Variants in KDM6A observed in about 807,000 individuals in gnomAD.
KDM6A encodes the protein lysine demethylase 6A, also known as lysine-specific demethylase 6A.
Under a neutral mutation model 117.6 loss-of-function variants are expected in KDM6A, and 11 were observed. The ratio of observed to expected loss-of-function variants is 0.09; its 90% confidence interval spans 0.06 to 0.15. The LOEUF is 0.15. Among genes scored for constraint, KDM6A ranks in the 10% least tolerant of loss-of-function variants. KDM6A has a pLI of 1.00. For synonymous variants in KDM6A, 384 were observed against 396.1 expected (o/e 0.97, Z 0.36); for missense variants, 799 against 1,077.3 (o/e 0.74, Z 3.62).
chrX:45,040,334 A>G (rs1450063407), intron 8 of KDM6A, among the ~76,000 whole-genome samples: 1 of 80,934 alleles, frequency 1.2e-5, no homozygotes, highest in African/African-American at 4.7e-5. Flanking sequence ...CTCACTTCCC[A>G]GTAGGGGCGG....
chrX:44,961,453 T>A, intron 3 of KDM6A, 61 bp downstream of exon 3: 1 of 792,344 alleles, frequency 1.3e-6, no homozygotes, highest in Non-Finnish European at 1.9e-6. Context: ...TAATTATTTG[T>A]GCTTTATCAA....
At chrX:44,934,386 T>G (rs2036844951) in intron 2 of KDM6A, among the ~76,000 whole-genome samples, 1 of 111,937 alleles carries the variant, frequency 8.9e-6, no homozygotes. Flanking sequence ...GAAATTACTG[T>G]TCTTTGTCTT....
intron 27 of KDM6A, among the ~76,000 whole-genome samples, chrX:45,094,763 C>G (rs960119839): frequency 5.4e-5 from 6 of 111,662 alleles, no homozygotes; most frequent in Non-Finnish European, 9.4e-5. Flanking sequence ...TTTGCCCTCC[C>G]TCCTGATTAC....
At chrX:45,081,739 A>T (rs1055082649) in intron 21 of KDM6A, among the ~76,000 whole-genome samples, 1 of 111,421 alleles carries the variant, frequency 9.0e-6, no homozygotes, top group Non-Finnish European at 1.9e-5. Flanking sequence ...GTTGGATACC[A>T]TGCCGGTGAG....
At chrX:44,923,538 CTTTTTTTTTTTTT>C (rs142581355) in intron 2 of KDM6A, among the ~76,000 whole-genome samples, 3 of 32,198 alleles carry the variant, frequency 9.3e-5, no homozygotes, top group African/African-American at 3.8e-4. Flanking sequence ...ATCTTCTCTG[CTTTTTTTTTTTTT>C]TTTTTTTTTT....
At chrX:44,931,158 G>A (rs781425604) in intron 2 of KDM6A, among the ~76,000 whole-genome samples, 6 of 110,787 alleles carry the variant, frequency 5.4e-5, no homozygotes, top group South Asian at 3.8e-4. Flanking sequence ...TCCGCCTCCC[G>A]GGTTGAAGAG....
intron 2 of KDM6A, among the ~76,000 whole-genome samples, chrX:44,936,642 T>C (rs1184490974): frequency 2.7e-5 from 3 of 112,227 alleles, no homozygotes; most frequent in Non-Finnish European, 5.6e-5. Context: ...GTTTCGGATT[T>C]TGGAGTATTT....
chrX:45,091,548 A>G (rs1006675791), intron 27 of KDM6A, among the ~76,000 whole-genome samples: 5 of 111,972 alleles, frequency 4.5e-5, no homozygotes, highest in African/African-American at 1.6e-4. Flanking sequence ...AATATGGGAA[A>G]TGATAGATTA....
intron 4 of KDM6A, among the ~76,000 whole-genome samples, chrX:44,988,761 C>T (rs1024836886): frequency 1.8e-5 from 2 of 110,785 alleles, no homozygotes; most frequent in African/African-American, 3.3e-5. Context: ...CCTGATCGTT[C>T]CTCTGGAAGT....
At position 45,085,007 on chromosome X, in the gene KDM6A, A is replaced by G. The variant is rs769072751; in HGVS notation, c.3590-858A>G. 1.9e-4 allele frequency among the ~76,000 whole-genome samples: 21 copies of G among 111,895 alleles called. No homozygotes were observed. The South Asian group carries it at 7.9e-3, about 42-fold the overall frequency. On this transcript the variant is annotated intron_variant, in intron 24 of 29. Coordinates refer to ENST00000611820, the MANE Select transcript of KDM6A (RefSeq NM_001291415.2). ...AGGATTCTAATATACAGCCAGGATT[A>G]GAACTATTGGTTATAATTGTTATCC...
At chrX:45,032,516 T>C (rs1022890218) in intron 6 of KDM6A, among the ~76,000 whole-genome samples, 3 of 112,042 alleles carry the variant, frequency 2.7e-5, no homozygotes, top group Non-Finnish European at 3.8e-5. Flanking sequence ...TTCATTGTCA[T>C]AGTGGATGTT....
intron 10 of KDM6A, among the ~76,000 whole-genome samples, chrX:45,056,735 G>A (rs1169529716): frequency 2.7e-5 from 3 of 111,666 alleles, no homozygotes; most frequent in Non-Finnish European, 5.7e-5. Flanking sequence ...GTTGATGGTT[G>A]GAGTGGGACA....
At chrX:44,981,930 A>C (rs1484488379) in intron 4 of KDM6A, among the ~76,000 whole-genome samples, 1 of 111,789 alleles carries the variant, frequency 8.9e-6, no homozygotes, top group East Asian at 2.8e-4. Context: ...CTAAAAATAC[A>C]AAAATTAGCT....
At chrX:45,072,912 G>A (rs926690747) in intron 18 of KDM6A, among the ~76,000 whole-genome samples, 2 of 107,626 alleles carry the variant, frequency 1.9e-5, no homozygotes, top group African/African-American at 6.8e-5. Context: ...TAGGGTACAT[G>A]TGCACAATGT....
Position 45,111,648 on chromosome X carries a change from A to G in KDM6A, c.*237A>G. 1 of 353,954 alleles carries G rather than the reference A, an allele frequency of 2.8e-6. No homozygotes were observed. The highest frequency in any genetic ancestry group is 5.0e-6 in the Non-Finnish European group (1 of 201,831). 29.2% of individuals were successfully genotyped at this position (353,954 alleles called of 1,213,427 possible). A position where few individuals can be genotyped will look rare whatever the true frequency, so the allele number is the denominator to read the frequency against. On this transcript the variant is annotated 3_prime_UTR_variant, in exon 30 of 30. Transcript: ENST00000611820. The stretch of plus-strand genomic sequence containing the variant: ...AAAAATAATAATTTCCATGTTTTGT[A>G]TATATCTGACAAAACTGGCAACATC...
At chrX:45,078,878 C>T (rs2045260754) in intron 20 of KDM6A, among the ~76,000 whole-genome samples, 1 of 110,243 alleles carries the variant, frequency 9.1e-6, no homozygotes, top group Non-Finnish European at 1.9e-5. Flanking sequence ...CTGGCATCTG[C>T]AGAAATTAAA....
intron 17 of KDM6A, among the ~76,000 whole-genome samples, chrX:45,064,970 G>C (rs1602830844): frequency 9.0e-6 from 1 of 111,431 alleles, no homozygotes; most frequent in African/African-American, 3.3e-5. Context: ...ACTTGGTGTA[G>C]GTAAATAGAT....
chrX:45,096,817 G>C (rs1164761434), intron 27 of KDM6A, among the ~76,000 whole-genome samples: 1 of 111,450 alleles, frequency 9.0e-6, no homozygotes, highest in Non-Finnish European at 1.9e-5. Context: ...TCCTCAAAGA[G>C]CCAAAAGCAG....
chrX:45,107,278 A>G (rs945643932), intron 27 of KDM6A, 132 bp from the exon 28 acceptor site: 53 of 626,638 alleles, frequency 8.5e-5, no homozygotes, highest in South Asian at 2.4e-4. Context: ...TGATAAATTG[A>G]TGAAAGAAAA....
Sources: allele counts gnomAD v4.1 joint callset (sites outside exome capture counted in the v4.1 genomes callset), GRCh38; gene constraint gnomAD v4.1.1; transcripts MANE v1.5; gene names NCBI Gene and HGNC (gene_info 2026-07-23, HGNC 2026-07-21).